LRCH2: variants seen among roughly 807,000 people sequenced by gnomAD.
The protein encoded by LRCH2 is leucine rich repeats and calponin homology domain containing 2, also known as leucine-rich repeat and calponin homology domain-containing protein 2.
In LRCH2, 38 loss-of-function variants were observed where a neutral mutation model predicts 68.9. The ratio of observed to expected loss-of-function variants is 0.55; its 90% CI spans 0.43 to 0.72. LRCH2 has a LOEUF of 0.72. Among genes scored for constraint, LRCH2 ranks in the 30% least tolerant of loss-of-function variants. LRCH2 has a pLI of 0.00. For synonymous variants in LRCH2, 191 were observed against 208.1 expected (o/e 0.92, Z 0.71); for missense variants, 528 against 572.9 (o/e 0.92, Z 0.80).
At chrX:115,197,503 G>A (rs782403415) in intron 1 of LRCH2, among the ~76,000 whole-genome samples, 195 of 111,331 alleles carry the variant, frequency 1.8e-3, no homozygotes, top group African/African-American at 6.0e-3. Context: ...TACAATCTCA[G>A]CACTTTGGGA....
At chrX:115,176,167 T>A (rs1556550170) in intron 5 of LRCH2, among the ~76,000 whole-genome samples, 1 of 112,510 alleles carries the variant, frequency 8.9e-6, no homozygotes. Flanking sequence ...TTTTTCTATC[T>A]CTTACAGATG....
At chrX:115,136,915 A>C (rs151304590) in intron 14 of LRCH2, among the ~76,000 whole-genome samples, 8,524 of 111,551 alleles carry the variant, frequency 0.076, 307 homozygotes, top group Non-Finnish European at 0.1. Context: ...TTGTCTGATA[A>C]TTATTTTTTA....
chrX:115,159,526 C>A (rs1048954453), intron 11 of LRCH2, among the ~76,000 whole-genome samples: 1 of 109,794 alleles, frequency 9.1e-6, no homozygotes, highest in Non-Finnish European at 1.9e-5. Context: ...CCAAGGCAGG[C>A]GGATCACGAC....
rs2072051202 is a variant in LRCH2, at chrX:115,112,570, A to ATT, written c.*644_*645dup. The ATT allele has an allele frequency of 8.9e-6, 1 of 111,803 alleles. No individual in the cohort carries two copies. The highest frequency in any genetic ancestry group is 9.6e-5 in the Admixed American group (1 of 10,386). The allele number at this position is 111,803 out of a possible 1,213,427, so 9.2% of individuals were successfully genotyped here. On this transcript the variant is annotated 3_prime_UTR_variant, in exon 21 of 21. Transcript: ENST00000317135. ...AATATTTTAAAGTTCCATTGACTCT[A>ATT]TTAATACATTTAAAAAATTGCAAAA...
intron 11 of LRCH2, among the ~76,000 whole-genome samples, chrX:115,157,451 TAATG>T (rs782148877): frequency 2.5e-4 from 27 of 109,419 alleles, no homozygotes; most frequent in African/African-American, 8.6e-4. Flanking sequence ...ATAAAATACA[TAATG>T]AATTAAATAT....
intron 14 of LRCH2, among the ~76,000 whole-genome samples, chrX:115,147,808 T>C (rs1434566162): frequency 9.0e-6 from 1 of 110,887 alleles, no homozygotes; most frequent in Non-Finnish European, 1.9e-5. Context: ...CTCAGCACTT[T>C]GGGGGGGCCT....
chrX:115,134,347 T>C (rs181392090), intron 14 of LRCH2, among the ~76,000 whole-genome samples: 3 of 112,411 alleles, frequency 2.7e-5, no homozygotes, highest in East Asian at 2.8e-4. Flanking sequence ...GCTAAGACAA[T>C]TGATGAAGGT....
At chrX:115,144,356 A>G (rs1282869654) in intron 14 of LRCH2, among the ~76,000 whole-genome samples, 1 of 111,467 alleles carries the variant, frequency 9.0e-6, no homozygotes, top group Non-Finnish European at 1.9e-5. Context: ...ACATAATAAA[A>G]GCCAAAACTC....
intron 5 of LRCH2, among the ~76,000 whole-genome samples, chrX:115,173,573 C>A (rs1237867584): frequency 1.8e-5 from 2 of 111,866 alleles, no homozygotes; most frequent in African/African-American, 6.5e-5. Flanking sequence ...CTATGCAACC[C>A]CCCCAGCCTT....
chrX:115,148,928 C>G (rs966877291), intron 14 of LRCH2, among the ~76,000 whole-genome samples: 2 of 111,508 alleles, frequency 1.8e-5, no homozygotes, highest in Non-Finnish European at 3.8e-5. Context: ...TATATAGAAA[C>G]AAACAAATGT....
intron 12 of LRCH2, 72 bp downstream of exon 12, chrX:115,156,530 C>T: frequency 1.5e-6 from 1 of 665,825 alleles, no homozygotes. Context: ...AGCCTATATA[C>T]AAAAACATCA....
chrX:115,182,247 G>A (rs1267170788), intron 3 of LRCH2, among the ~76,000 whole-genome samples: 2 of 111,029 alleles, frequency 1.8e-5, no homozygotes, highest in Admixed American at 9.6e-5. Context: ...AATTAAAAAC[G>A]TAGGGCCAAA....
At chrX:115,163,904 T>G (rs1458630934) in intron 10 of LRCH2, 121 bp from the exon 11 acceptor site, 2 of 443,407 alleles carry the variant, frequency 4.5e-6, no homozygotes, top group African/African-American at 4.9e-5. Context: ...TCCTAGGTCC[T>G]TCTTTTAAAA....
intron 12 of LRCH2, among the ~76,000 whole-genome samples, chrX:115,156,267 C>G (rs964199608): frequency 4.5e-5 from 5 of 111,417 alleles, no homozygotes; most frequent in African/African-American, 1.6e-4. Flanking sequence ...GAAATGAAAA[C>G]ATAAACAGTA....
At chrX:115,172,752 A>ATTTT (rs35680669) in intron 5 of LRCH2, among the ~76,000 whole-genome samples, 2 of 82,717 alleles carry the variant, frequency 2.4e-5, no homozygotes, top group African/African-American at 9.0e-5. Context: ...CTTACTTTCT[A>ATTTT]TTTTTTTTTT....
chrX:115,118,652 T>A (rs183789518), intron 20 of LRCH2, among the ~76,000 whole-genome samples: 23 of 111,247 alleles, frequency 2.1e-4, no homozygotes, highest in African/African-American at 7.2e-4. Flanking sequence ...GAGGGAATCC[T>A]CCCTAACTCA....
In LRCH2 at chrX:115,189,458, G is replaced by A. The variant is rs184109240; in HGVS notation, c.350-1088C>T. On this transcript the variant is annotated intron_variant, in intron 1 of 20. Coordinates refer to ENST00000317135, the MANE Select transcript of LRCH2 (RefSeq NM_020871.4). Reference sequence around the variant, plus strand: ...CAGGGAGACATGATGGAAGCGGATCGCCCAGAGAAGCTTTTCATTGGGGGC... The same window carrying A: ...CAGGGAGACATGATGGAAGCGGATCACCCAGAGAAGCTTTTCATTGGGGGC... The A allele has an allele frequency of 1.2e-3, 1,432 of 1,172,346 alleles. 12 individuals carry two copies. The African/African-American group carries it at 0.021, about 17-fold the overall frequency.
Position 115,233,919 on chromosome X carries a change from GCCGCCGCCTCCCCCTCCAGCC to G in LRCH2, c.102_122del (p.Ala35_Gly41del). 1 of 1,162,724 alleles carries G rather than the reference GCCGCCGCCTCCCCCTCCAGCC, an allele frequency of 8.6e-7. No homozygotes were observed. Among genetic ancestry groups the G allele is most frequent in the Non-Finnish European group, 1.1e-6 (1 of 871,050 alleles). On this transcript the variant is annotated inframe_deletion, in exon 1 of 21. Transcript: ENST00000317135. ...TGGGGACCACCAGGGTCCCGCCGCC[GCCGCCGCCTCCCCCTCCAGCC>G]CCGCCACCTCCCCCTCCAGCCGTGC...
chrX:115,218,938 GTTTGAC>G (rs1372416393), intron 1 of LRCH2, among the ~76,000 whole-genome samples: 3 of 112,182 alleles, frequency 2.7e-5, no homozygotes, highest in Non-Finnish European at 5.6e-5. Flanking sequence ...ACTGGCAACA[GTTTGAC>G]TTTGATCTTT....
Sources: gnomAD v4.1 joint callset for allele counts (sites outside exome capture counted in the v4.1 genomes callset) on GRCh38, gnomAD v4.1.1 for gene constraint, MANE v1.5 for transcripts, NCBI Gene and HGNC (gene_info 2026-07-23, HGNC 2026-07-21) for gene names.